Variants in CDK5RAP2 observed in about 807,000 individuals in gnomAD.
CDK5RAP2 encodes the protein CDK5 regulatory subunit associated protein 2.
A neutral mutation model predicts 232.9 loss-of-function variants in CDK5RAP2; 147 were observed. The ratio of observed to expected loss-of-function variants is 0.63; its 90% confidence interval spans 0.55 to 0.72. The LOEUF (loss-of-function observed/expected upper bound fraction) is 0.72, where lower values mean the gene tolerates loss of function less well. Ranked by LOEUF, CDK5RAP2 falls within the 30% of genes least tolerant of loss-of-function variation. The pLI, the probability that CDK5RAP2 is intolerant of heterozygous loss-of-function variation, is 0.00. For synonymous variants in CDK5RAP2, 833 were observed against 833.7 expected (o/e 1.00, Z 0.01); for missense variants, 2,195 against 2,231.5 (o/e 0.98, Z 0.33).
rs374382839 is a variant in CDK5RAP2 at position 120,518,537 on chromosome 9, T to A, written c.1201A>T (p.Ile401Phe). 1 of 1,613,776 alleles carries A rather than the reference T, an allele frequency of 6.2e-7. No homozygotes were observed. Among genetic ancestry groups the A allele is most frequent in the Admixed American group, 1.7e-5 (1 of 59,962 alleles). The change falls in exon 12 of 38, where the codon ATT (isoleucine) becomes TTT (phenylalanine). Residue 401 changes from isoleucine (I) to phenylalanine (F), a missense_variant. Coordinates refer to ENST00000349780, the MANE Select transcript of CDK5RAP2 (RefSeq NM_018249.6). The part of the protein sequence containing the change: ...STENHRLRRS[I>F]KKITQELSDL... ...CTCAGCTCCTGGGTGATCTTCTTAATGCTTCTACGCAGTCTGTGGTTCTCT... is the reference window on the plus strand; with the variant it reads ...CTCAGCTCCTGGGTGATCTTCTTAAAGCTTCTACGCAGTCTGTGGTTCTCT...
Position 120,451,430 on chromosome 9 carries a change from C to A in CDK5RAP2, c.2793+2026G>T, listed in dbSNP as rs185881233. 1.2e-4 allele frequency among the ~76,000 whole-genome samples: 19 copies of A among 152,326 alleles called. No homozygotes were observed. The East Asian group carries it at 3.7e-3, about 29-fold the overall frequency. Reference sequence around the variant, plus strand: ...CTAAACAATTGAAAGGATACTTGGTCTCCGTGTTTCTATAACTAAACAACT... The same window carrying A: ...CTAAACAATTGAAAGGATACTTGGTATCCGTGTTTCTATAACTAAACAACT... On this transcript the variant is annotated intron_variant, in intron 21 of 37. Transcript: ENST00000349780.
chr9:120,575,356 G>C (rs35759224), intron 1 of CDK5RAP2, among the ~76,000 whole-genome samples: 4 of 152,006 alleles, frequency 2.6e-5, no homozygotes, highest in Non-Finnish European at 5.9e-5. Context: ...CCCAGCTGTA[G>C]CAACTGTTTG....
At chr9:120,564,704 G>T (rs1028694264) in intron 3 of CDK5RAP2, among the ~76,000 whole-genome samples, 6 of 152,124 alleles carry the variant, frequency 3.9e-5, no homozygotes, top group African/African-American at 1.4e-4. Context: ...ATTGAGAATG[G>T]AAAGTTATCC....
At position 120,527,879 on chromosome 9, in the gene CDK5RAP2, T is replaced by G; in HGVS notation, c.926A>C (p.Glu309Ala). The stretch of plus-strand genomic sequence containing the variant: ...ATCCCTCTTTAGACTATTTTTCTTC[T>G]CTGTAGCAATTTCTCTTTCCTTCTC... ...LREKEREIAT[E>A]KKNSLKRDKA... Residue 309 changes from glutamate (E) to alanine (A), a missense_variant, in exon 10 of 38, where the codon GAG becomes GCG. Coordinates refer to ENST00000349780, the MANE Select transcript of CDK5RAP2 (RefSeq NM_018249.6). 1 of 1,613,922 alleles carries G rather than the reference T, an allele frequency of 6.2e-7. No individual in the cohort carries two copies. The highest frequency in any genetic ancestry group is 1.1e-5 in the South Asian group (1 of 91,080).
chr9:120,520,192 C>G (rs968096649), intron 11 of CDK5RAP2, among the ~76,000 whole-genome samples: 1 of 152,128 alleles, frequency 6.6e-6, no homozygotes, highest in African/African-American at 2.4e-5. Flanking sequence ...CAGAAAGGTA[C>G]ACAAATCATC....
intron 18 of CDK5RAP2, among the ~76,000 whole-genome samples, chr9:120,466,980 C>T (rs1651126860): frequency 6.6e-6 from 1 of 152,198 alleles, no homozygotes; most frequent in South Asian, 2.1e-4. Flanking sequence ...GAGAGCAGTT[C>T]TGGTCTTCCG....
chr9:120,425,252 C>G (rs2034821233), intron 25 of CDK5RAP2, among the ~76,000 whole-genome samples: 1 of 152,128 alleles, frequency 6.6e-6, no homozygotes, highest in South Asian at 2.1e-4. Flanking sequence ...CACCCGTTCC[C>G]CTATTATTAT....
intron 5 of CDK5RAP2, among the ~76,000 whole-genome samples, chr9:120,543,388 G>C (rs768095741): frequency 6.6e-6 from 1 of 152,194 alleles, no homozygotes; most frequent in African/African-American, 2.4e-5. Flanking sequence ...TTAAGATAAA[G>C]ATCAAAATCT....
chr9:120,487,086 GTTTC>G (rs2038650692), intron 14 of CDK5RAP2, among the ~76,000 whole-genome samples: 1 of 152,176 alleles, frequency 6.6e-6, no homozygotes, highest in Non-Finnish European at 1.5e-5. Flanking sequence ...TGCTTTCTCA[GTTTC>G]GTGTGCAGTG....
chr9:120,545,897 T>C, intron 4 of CDK5RAP2, 107 bp from the exon 5 acceptor site: 1 of 865,290 alleles, frequency 1.2e-6, no homozygotes, highest in East Asian at 2.5e-5. Flanking sequence ...AGGATGCTTG[T>C]AATAGGCAGA....
chr9:120,545,641 A>G, intron 5 of CDK5RAP2, 73 bp downstream of exon 5: 1 of 1,099,018 alleles, frequency 9.1e-7, no homozygotes, highest in African/African-American at 1.5e-5. Context: ...GTCTTAGAAA[A>G]GTGTACGGCT....
chr9:120,463,778 C>T (rs982020087), intron 18 of CDK5RAP2, among the ~76,000 whole-genome samples: 3 of 152,286 alleles, frequency 2.0e-5, no homozygotes, highest in East Asian at 3.9e-4. Context: ...CCTCTGCTGA[C>T]GTGGTCAAGA....
rs34579024 is a variant in CDK5RAP2, at chr9:120,546,987, G to GTT, written c.307-1199_307-1198dup. ...TAATACATGTGTTTTTTGTTTTTTC[G>GTT]TTTTTTTTGTTTTTTTGAGATGAAA... On this transcript the variant is annotated intron_variant, in intron 4 of 37. Transcript: ENST00000349780. Among the ~76,000 whole-genome samples the GTT allele has an allele frequency of 3.1e-3, 468 of 151,156 alleles. 3 individuals are homozygous for GTT. Among genetic ancestry groups the GTT allele is most frequent in the African/African-American group, 6.2e-3 (254 of 41,088 alleles).
rs1588684051 is a variant in CDK5RAP2 at position 120,572,014 on chromosome 9, G to A, written c.87C>T (p.Asp29=). 2 of 1,613,826 alleles carry A rather than the reference G, an allele frequency of 1.2e-6. No homozygotes were observed. The highest frequency in any genetic ancestry group is 1.3e-5 in the African/African-American group (1 of 75,020). The change falls in exon 2 of 38, where the codon GAC becomes GAT. Residue 29 remains aspartate, a synonymous_variant. Transcript: ENST00000349780. ...CAGCATTGGGGTTGATGCCATCCAGGTCATCTGGTACACTGGGAACAAGGC... is the reference window on the plus strand; with the variant it reads ...CAGCATTGGGGTTGATGCCATCCAGATCATCTGGTACACTGGGAACAAGGC... The part of the protein sequence containing the change: ...CSGLVPSVPD[D]LDGINPNAGL...
chr9:120,479,136 C>G (rs1447389784), intron 14 of CDK5RAP2, among the ~76,000 whole-genome samples: 2 of 151,934 alleles, frequency 1.3e-5, no homozygotes, highest in Non-Finnish European at 2.9e-5. Flanking sequence ...GGTTTATAAC[C>G]CACTGATAAT....
At chr9:120,530,862 T>C (rs1261296397) in intron 7 of CDK5RAP2, among the ~76,000 whole-genome samples, 2 of 42,260 alleles carry the variant, frequency 4.7e-5, no homozygotes, top group African/African-American at 2.1e-4. Flanking sequence ...TGTTGTGGGG[T>C]GGGGGGAGGG....
chr9:120,406,973 G>T, intron 32 of CDK5RAP2, 39 bp downstream of exon 32: 2 of 1,428,468 alleles, frequency 1.4e-6, no homozygotes, highest in Non-Finnish European at 2.0e-6. Flanking sequence ...GATGCTCAGA[G>T]CTGCATTCTC....
chr9:120,476,220 GA>G (rs886584108), intron 15 of CDK5RAP2, among the ~76,000 whole-genome samples: 51 of 138,422 alleles, frequency 3.7e-4, no homozygotes, highest in Admixed American at 8.6e-4. Context: ...TATACAAAAG[GA>G]AAAAAAAAAA....
chr9:120,451,805 G>T (rs2036493936), intron 21 of CDK5RAP2, among the ~76,000 whole-genome samples: 1 of 149,926 alleles, frequency 6.7e-6, no homozygotes, highest in Non-Finnish European at 1.5e-5. Context: ...TAAAATGTAG[G>T]TAATACCTAC....
Sources: gnomAD v4.1 joint callset for allele counts (sites outside exome capture counted in the v4.1 genomes callset) on GRCh38, gnomAD v4.1.1 for gene constraint, MANE v1.5 for transcripts, NCBI Gene and HGNC (gene_info 2026-07-23, HGNC 2026-07-21) for gene names.